PDE10A: variants seen among roughly 807,000 people sequenced by gnomAD.
PDE10A encodes the protein phosphodiesterase 10A.
PDE10A carries 39 observed loss-of-function variants against 97.7 expected under a neutral mutation model. That is an observed-to-expected ratio of 0.40 (90% CI 0.31 to 0.52). The LOEUF (loss-of-function observed/expected upper bound fraction) is 0.52. PDE10A is among the 20% of genes least tolerant of loss of function. The pLI, the probability that PDE10A is intolerant of heterozygous loss-of-function variation, is 0.56. For missense variants in PDE10A, 731 were observed against 1,047.8 expected (o/e 0.70, Z 4.17); for synonymous variants, 371 against 376.8 (o/e 0.98, Z 0.18).
At chr6:165,720,783 A>G (rs1465402041) in intron 1 of PDE10A, among the ~76,000 whole-genome samples, 1 of 152,196 alleles carries the variant, frequency 6.6e-6, no homozygotes, top group Non-Finnish European at 1.5e-5. Context: ...GGTTCTCTCA[A>G]ACAAGTTTAG....
At chr6:165,525,763 G>T (rs1285055009) in intron 2 of PDE10A, among the ~76,000 whole-genome samples, 1 of 152,192 alleles carries the variant, frequency 6.6e-6, no homozygotes, top group Non-Finnish European at 1.5e-5. Context: ...GGCAAAGTGG[G>T]TGTAGATACT....
At chr6:165,439,772 A>G (rs1240174575) in intron 5 of PDE10A, among the ~76,000 whole-genome samples, 2 of 152,256 alleles carry the variant, frequency 1.3e-5, no homozygotes, top group Non-Finnish European at 2.9e-5. Context: ...AAGGACTTAA[A>G]AAGCATTCAA....
At chr6:165,561,147 A>G in intron 1 of PDE10A, among the ~76,000 whole-genome samples, 1 of 150,608 alleles carries the variant, frequency 6.6e-6, no homozygotes, top group East Asian at 2.0e-4. Context: ...TGAACCCAGG[A>G]GGCGGAGGTT....
intron 14 of PDE10A, among the ~76,000 whole-genome samples, chr6:165,395,728 G>C (rs1786112878): frequency 6.6e-6 from 1 of 151,978 alleles, no homozygotes; most frequent in Non-Finnish European, 1.5e-5. Context: ...ACCAACATTA[G>C]ACTTGAATAA....
intron 1 of PDE10A, among the ~76,000 whole-genome samples, chr6:165,581,935 G>T (rs1785638166): frequency 6.6e-6 from 1 of 152,070 alleles, no homozygotes; most frequent in African/African-American, 2.4e-5. Context: ...CACCAAATGT[G>T]GTTTCAGTGA....
At chr6:165,486,566 A>C (rs1362218117) in intron 2 of PDE10A, among the ~76,000 whole-genome samples, 1 of 152,210 alleles carries the variant, frequency 6.6e-6, no homozygotes, top group Non-Finnish European at 1.5e-5. Context: ...TATCAACCAC[A>C]TTAAAGTACG....
intron 1 of PDE10A, among the ~76,000 whole-genome samples, chr6:165,913,140 A>C (rs1253239051): frequency 6.6e-6 from 1 of 152,166 alleles, no homozygotes; most frequent in Non-Finnish European, 1.5e-5. Flanking sequence ...AACATAAATA[A>C]GTGTTGTGTT....
chr6:165,359,581 T>C (rs1783251372), intron 18 of PDE10A, among the ~76,000 whole-genome samples: 1 of 152,190 alleles, frequency 6.6e-6, no homozygotes, highest in Non-Finnish European at 1.5e-5. Flanking sequence ...CTCCTTAAAA[T>C]CAATTTTTGT....
intron 1 of PDE10A, among the ~76,000 whole-genome samples, chr6:165,561,455 A>G (rs1307494996): frequency 6.6e-6 from 1 of 152,214 alleles, no homozygotes; most frequent in Non-Finnish European, 1.5e-5. Flanking sequence ...ATAAGCCTAC[A>G]GTTCAATGCA....
At chr6:165,386,430 T>C (rs1406249073) in intron 17 of PDE10A, among the ~76,000 whole-genome samples, 1 of 152,238 alleles carries the variant, frequency 6.6e-6, no homozygotes, top group East Asian at 1.9e-4. Context: ...ATTAAACTGC[T>C]AGCAATGTTG....
chr6:165,718,110 C>G (rs1792073094), intron 1 of PDE10A: 2 of 152,146 alleles, frequency 1.3e-5, no homozygotes, highest in African/African-American at 2.4e-5. Flanking sequence ...TAAAATCCAC[C>G]TTATTGTTTT....
At chr6:165,878,742 G>A (rs1291125223) in intron 1 of PDE10A, among the ~76,000 whole-genome samples, 2 of 152,182 alleles carry the variant, frequency 1.3e-5, no homozygotes, top group Non-Finnish European at 2.9e-5. Flanking sequence ...TATCCAGGTG[G>A]GCCCTTATAA....
intron 1 of PDE10A, among the ~76,000 whole-genome samples, chr6:165,571,205 G>A (rs1312467289): frequency 6.6e-6 from 1 of 152,174 alleles, no homozygotes; most frequent in Non-Finnish European, 1.5e-5. Context: ...CTGTTTGCTA[G>A]CAGAACAGCA....
chr6:165,519,263 C>A (rs528191962), intron 2 of PDE10A, among the ~76,000 whole-genome samples: 1 of 152,052 alleles, frequency 6.6e-6, no homozygotes, highest in African/African-American at 2.4e-5. Flanking sequence ...GAAGAATAAA[C>A]AGACCCATGG....
At chr6:165,517,613 G>A (rs889652267) in intron 2 of PDE10A, among the ~76,000 whole-genome samples, 1 of 152,110 alleles carries the variant, frequency 6.6e-6, no homozygotes, top group Non-Finnish European at 1.5e-5. Context: ...ACAGCAACTC[G>A]GATGAATCTC....
intron 1 of PDE10A, among the ~76,000 whole-genome samples, chr6:165,748,013 G>T (rs1408376740): frequency 6.6e-6 from 1 of 152,102 alleles, no homozygotes; most frequent in East Asian, 1.9e-4. Flanking sequence ...GCCCCAATTG[G>T]TGCTCACTGA....
At chr6:165,623,231 T>A (rs560179201) in intron 1 of PDE10A, among the ~76,000 whole-genome samples, 2 of 152,236 alleles carry the variant, frequency 1.3e-5, no homozygotes, top group East Asian at 3.9e-4. Flanking sequence ...GTTCACGTGA[T>A]TCTCCTGCCT....
chr6:165,729,465 A>C (rs1015631487), intron 1 of PDE10A, among the ~76,000 whole-genome samples: 5 of 152,208 alleles, frequency 3.3e-5, no homozygotes, highest in Admixed American at 3.3e-4. Flanking sequence ...TAAGGACAGC[A>C]GTGAAATAAT....
intron 1 of PDE10A, among the ~76,000 whole-genome samples, chr6:165,961,166 C>CTAAAGCT (rs1562329187): frequency 2.0e-5 from 3 of 151,822 alleles, no homozygotes; most frequent in Non-Finnish European, 4.4e-5. Context: ...TGCTGAGAGC[C>CTAAAGCT]CTAAAGCTTA....
Sources: gnomAD v4.1 joint callset for allele counts (sites outside exome capture counted in the v4.1 genomes callset) on GRCh38, gnomAD v4.1.1 for gene constraint, MANE v1.5 for transcripts, NCBI Gene and HGNC (gene_info 2026-07-23, HGNC 2026-07-21) for gene names.